The following PLA2G5 variants were observed in gnomAD, a reference collection of about 807,000 sequenced individuals.
PLA2G5 encodes the protein Ca2+-dependent phospholipase A2.
Under a neutral mutation model 15.9 loss-of-function variants are expected in PLA2G5, and 12 were observed. The observed-to-expected ratio is 0.76, with a 90% confidence interval of 0.48 to 1.23. The LOEUF (loss-of-function observed/expected upper bound fraction) is 1.23, where lower values mean the gene tolerates loss of function less well. Among genes scored for constraint, PLA2G5 ranks in the 50% most tolerant of loss-of-function variants. The probability of loss-of-function intolerance (pLI) is 0.00; values close to 1 mark genes in which losing one functional copy is unlikely to be tolerated. For missense variants in PLA2G5, 169 were observed against 177.1 expected (o/e 0.95, Z 0.26); for synonymous variants, 71 against 71.4 (o/e 0.99, Z 0.03).
chr1:20,042,547 G>A (rs886475159), intron 1 of PLA2G5, among the ~76,000 whole-genome samples: 1 of 152,166 alleles, frequency 6.6e-6, no homozygotes, highest in Admixed American at 6.5e-5. Context: ...GAGTTAGGGA[G>A]ATCTAGGGTG....
chr1:20,054,213 T>C (rs1304210540), intron 1 of PLA2G5, among the ~76,000 whole-genome samples: 1 of 152,238 alleles, frequency 6.6e-6, no homozygotes, highest in African/African-American at 2.4e-5. Context: ...TCTTCTATAA[T>C]GTAATATAAT....
intron 3 of PLA2G5, among the ~76,000 whole-genome samples, chr1:20,087,319 T>G (rs1006853648): frequency 2.6e-5 from 4 of 152,190 alleles, no homozygotes; most frequent in African/African-American, 9.7e-5. Context: ...CCAGGACCCC[T>G]GTGAATACCA....
At chr1:20,030,494 G>T (rs1217777696) in intron 1 of PLA2G5, among the ~76,000 whole-genome samples, 2 of 152,082 alleles carry the variant, frequency 1.3e-5, no homozygotes, top group African/African-American at 4.8e-5. Flanking sequence ...TTTACACCGA[G>T]ACATTCCATT....
chr1:20,072,121 A>C (rs1412921129), intron 1 of PLA2G5, among the ~76,000 whole-genome samples: 2 of 151,858 alleles, frequency 1.3e-5, no homozygotes, highest in Non-Finnish European at 2.9e-5. Flanking sequence ...TAAATAAATA[A>C]AGTGGCCACT....
At chr1:20,080,391 GA>G (rs2015941072) in intron 1 of PLA2G5, among the ~76,000 whole-genome samples, 1 of 152,090 alleles carries the variant, frequency 6.6e-6, no homozygotes, top group Non-Finnish European at 1.5e-5. Context: ...AGACCAGCCT[GA>G]CCAACATAGT....
chr1:20,086,819 G>A (rs2016317550), intron 3 of PLA2G5, among the ~76,000 whole-genome samples: 1 of 152,168 alleles, frequency 6.6e-6, no homozygotes, highest in African/African-American at 2.4e-5. Flanking sequence ...TAAGAGGGAG[G>A]GCATCTAGAT....
intron 1 of PLA2G5, among the ~76,000 whole-genome samples, chr1:20,073,868 CA>C (rs1171653834): frequency 1.2e-4 from 17 of 145,106 alleles, no homozygotes; most frequent in South Asian, 2.2e-4. Context: ...AGACTCCATC[CA>C]AAAAAAAAAG....
chr1:20,080,985 G>A (rs1461485030), intron 1 of PLA2G5, among the ~76,000 whole-genome samples: 1 of 151,884 alleles, frequency 6.6e-6, no homozygotes. Flanking sequence ...TCCGTGCAAT[G>A]AGGCTCCGCA....
chr1:20,033,971 G>T (rs1261755509), intron 1 of PLA2G5, among the ~76,000 whole-genome samples: 1 of 152,082 alleles, frequency 6.6e-6, no homozygotes, highest in African/African-American at 2.4e-5. Context: ...GAAGGGAAGG[G>T]ACATGTCCCT....
intron 1 of PLA2G5, among the ~76,000 whole-genome samples, chr1:20,076,569 T>C (rs1201993013): frequency 4.2e-5 from 6 of 142,306 alleles, no homozygotes; most frequent in African/African-American, 1.6e-4. Context: ...TTGGATGAGG[T>C]ACCTAACATC....
chr1:20,057,839 A>G (rs1270800427), intron 1 of PLA2G5, among the ~76,000 whole-genome samples: 3 of 150,334 alleles, frequency 2.0e-5, no homozygotes, highest in African/African-American at 7.3e-5. Context: ...ATTTTAATTT[A>G]GTTCAAAATA....
At chr1:20,062,467 G>A (rs1202932385) in intron 2 of PLA2G5, among the ~76,000 whole-genome samples, 1 of 152,140 alleles carries the variant, frequency 6.6e-6, no homozygotes, top group Non-Finnish European at 1.5e-5. Flanking sequence ...GGGAATCAAA[G>A]CAAGTCCCCA....
intron 1 of PLA2G5, among the ~76,000 whole-genome samples, chr1:20,078,859 C>A (rs894528039): frequency 6.6e-6 from 1 of 152,060 alleles, no homozygotes; most frequent in African/African-American, 2.4e-5. Flanking sequence ...GTCATCCCAG[C>A]ACTTTGGGAG....
In PLA2G5 at chr1:20,089,901, G is replaced by T. The variant is rs1258443100; in HGVS notation, c.292+6G>T. 9.4e-6 allele frequency: 15 copies of T among 1,603,684 alleles called. No individual in the cohort carries two copies. The highest frequency in any genetic ancestry group is 1.7e-4 in the Middle Eastern group (1 of 6,028). On this transcript the variant is annotated splice_donor_region_variant and intron_variant, in intron 4 of 4. Transcript: ENST00000375108. Reference sequence around the variant, plus strand: ...GTGGGGCGTGGTCACCTGCGGTAAGGCTGGGGCTTCCCGTTCGGGCCATTG... The same window carrying T: ...GTGGGGCGTGGTCACCTGCGGTAAGTCTGGGGCTTCCCGTTCGGGCCATTG...
chr1:20,072,136 CCAT>C, intron 1 of PLA2G5, among the ~76,000 whole-genome samples: 1 of 152,134 alleles, frequency 6.6e-6, no homozygotes, highest in South Asian at 2.1e-4. Flanking sequence ...GCCACTCCCA[CCAT>C]CAACAGTCCC....
At chr1:20,085,333 C>T (rs1483974903) in intron 2 of PLA2G5, among the ~76,000 whole-genome samples, 2 of 151,646 alleles carry the variant, frequency 1.3e-5, no homozygotes, top group South Asian at 4.2e-4. Flanking sequence ...TCCCATCCTG[C>T]GGCCCCGTGA....
At chr1:20,086,588 G>A (rs1324160458) in intron 3 of PLA2G5, among the ~76,000 whole-genome samples, 1 of 152,202 alleles carries the variant, frequency 6.6e-6, no homozygotes, top group Non-Finnish European at 1.5e-5. Flanking sequence ...CTGGCAAGTG[G>A]TCAGCATCTC....
chr1:20,038,773 G>A (rs768122168), intron 1 of PLA2G5, among the ~76,000 whole-genome samples: 4 of 152,052 alleles, frequency 2.6e-5, no homozygotes, highest in Non-Finnish European at 5.9e-5. Flanking sequence ...TTGAGACCCT[G>A]TCTCAAAAAA....
intron 1 of PLA2G5, among the ~76,000 whole-genome samples, chr1:20,079,539 C>T (rs1265533727): frequency 6.6e-6 from 1 of 152,092 alleles, no homozygotes; most frequent in African/African-American, 2.4e-5. Flanking sequence ...GAGACAGGGG[C>T]TTGCTTTGTT....
Sources: gnomAD v4.1 joint callset for allele counts (sites outside exome capture counted in the v4.1 genomes callset) on GRCh38, gnomAD v4.1.1 for gene constraint, MANE v1.5 for transcripts, NCBI Gene and HGNC (gene_info 2026-07-23, HGNC 2026-07-21) for gene names.